The following KCNQ1 variants were observed in gnomAD, a reference collection of about 807,000 sequenced individuals.
KCNQ1 encodes potassium voltage-gated channel subfamily KQT member 1.
A neutral mutation model predicts 72.4 loss-of-function variants in KCNQ1; 49 were observed. The observed-to-expected ratio is 0.68, with a 90% confidence interval of 0.54 to 0.86. The LOEUF (loss-of-function observed/expected upper bound fraction) is 0.86. Among genes scored for constraint, KCNQ1 ranks in the 40% least tolerant of loss-of-function variants. KCNQ1 has a pLI of 0.00. For missense variants in KCNQ1, 790 were observed against 945.1 expected (o/e 0.84, Z 2.15); for synonymous variants, 450 against 412.6 (o/e 1.09, Z -1.10).
In KCNQ1 at chr11:2,498,048, T is replaced by C. The variant is rs1213156994; in HGVS notation, c.387-29880T>C. ...TGCCTACTCCTTCCTCTGGAAGCTTTGTCCCAGAAGGGCACCAGCCTGATG... is the reference window on the plus strand; with the variant it reads ...TGCCTACTCCTTCCTCTGGAAGCTTCGTCCCAGAAGGGCACCAGCCTGATG... On this transcript the variant is annotated intron_variant, in intron 1 of 15. Coordinates refer to ENST00000155840, the MANE Select transcript of KCNQ1 (RefSeq NM_000218.3). This position sits in a 1 kb window ranked among gnomAD's most constrained non-coding sequence, Gnocchi z 4.8. 6.6e-6 allele frequency among the ~76,000 whole-genome samples: 1 copy of C among 152,224 alleles called. No individual in the cohort carries two copies. The highest frequency in any genetic ancestry group is 1.5e-5 in the Non-Finnish European group (1 of 68,030).
At chr11:2,756,951 T>TAAAAAAAAAAAAAAAAAA (rs58284663) in intron 11 of KCNQ1, among the ~76,000 whole-genome samples, 1 of 50,994 alleles carries the variant, frequency 2.0e-5, no homozygotes, top group African/African-American at 6.7e-5. Context: ...AAGAGCATCT[T>TAAAAAAAAAAAAAAAAAA]AAAAAAAAAA....
intron 11 of KCNQ1, among the ~76,000 whole-genome samples, chr11:2,751,769 C>T (rs934925818): frequency 3.3e-4 from 50 of 152,330 alleles, no homozygotes; most frequent in African/African-American, 1.2e-3. Flanking sequence ...GGGACTGGTC[C>T]CCATAGCCAA....
chr11:2,585,449 C>T, intron 8 of KCNQ1, 142 bp downstream of exon 8: 2 of 787,432 alleles, frequency 2.5e-6, no homozygotes, highest in Admixed American at 2.0e-5. Flanking sequence ...CTTGTGGAAG[C>T]CTTGGCTGCT....
rs1385581070 is a variant in KCNQ1, at chr11:2,809,121, C to T, written c.1794+31084C>T. On this transcript the variant is annotated intron_variant, in intron 15 of 15. Transcript: ENST00000155840. The surrounding 1 kb of genome is among the most constrained non-coding windows in gnomAD (Gnocchi z 7.1). ...GTGAGTAGATGAATGAGTGGGCAGA[C>T]AGACAGACACACCATCAGAAGCAAA... 6.6e-6 allele frequency among the ~76,000 whole-genome samples: 1 copy of T among 152,066 alleles called. No homozygotes were observed. The highest frequency in any genetic ancestry group is 1.5e-5 in the Non-Finnish European group (1 of 68,022).
chr11:2,554,157 C>T (rs1848035215), intron 2 of KCNQ1, among the ~76,000 whole-genome samples: 1 of 152,234 alleles, frequency 6.6e-6, no homozygotes, highest in Admixed American at 6.5e-5. Context: ...CCGCTGGCAT[C>T]AGAGAATGAG....
At position 2,445,292 on chromosome 11, in the gene KCNQ1, C is replaced by T. The variant is rs2522019; in HGVS notation, c.194C>T (p.Ala65Val). 2.2e-6 allele frequency: 3 copies of T among 1,362,150 alleles called. No individual in the cohort carries two copies. Among genetic ancestry groups the T allele is most frequent in the Non-Finnish European group, 2.8e-6 (3 of 1,061,988 alleles). 84.4% of individuals were successfully genotyped at this position (1,362,150 alleles called of 1,614,324 possible). ...GGCGCCCCAGGTCCCGCGCCCCCTG[C>T]GTCCCCGGCCGCGCCCGCCGCGCCC... is the stretch of plus-strand genomic sequence containing the variant. The part of the protein sequence containing the change: ...APGAPGPAPP[A>V]SPAAPAAPPV... Residue 65 changes from alanine (A) to valine (V), a missense_variant, in exon 1 of 16, where the codon GCG becomes GTG. By Grantham distance (64) the Ala-to-Val change is moderately conservative (BLOSUM62 0). Coordinates refer to ENST00000155840, the MANE Select transcript of KCNQ1 (RefSeq NM_000218.3).
rs934383448 is a variant in KCNQ1, at chr11:2,725,494, G to A, written c.1515-43350G>A. Among the ~76,000 whole-genome samples, 4 of 152,284 alleles carry A rather than the reference G, an allele frequency of 2.6e-5. No homozygotes were observed. Among genetic ancestry groups the A allele is most frequent in the Middle Eastern group, 3.4e-3 (1 of 294 alleles). ...CGGTTGGGGGTCCCCAATCGTCTTC[G>A]AGCTACTGATATAGAACCTCTGCGT... On this transcript the variant is annotated intron_variant, in intron 11 of 15. Coordinates refer to ENST00000155840, the MANE Select transcript of KCNQ1 (RefSeq NM_000218.3). The surrounding 1 kb of genome is among the most constrained non-coding windows in gnomAD (Gnocchi z 7.2).
At chr11:2,519,535 G>C (rs537006062) in intron 1 of KCNQ1, among the ~76,000 whole-genome samples, 1 of 152,236 alleles carries the variant, frequency 6.6e-6, no homozygotes, top group South Asian at 2.1e-4. Flanking sequence ...TGGGAGGATC[G>C]CTTGAGCCCA....
chr11:2,456,972 AAAAC>A (rs1846204979), intron 1 of KCNQ1, among the ~76,000 whole-genome samples: 1 of 151,254 alleles, frequency 6.6e-6, no homozygotes, highest in African/African-American at 2.4e-5. Context: ...AAAACCCAAA[AAAAC>A]AAAAAGTGGG....
At chr11:2,744,420 C>T (rs138485790) in intron 11 of KCNQ1, among the ~76,000 whole-genome samples, 1 of 152,346 alleles carries the variant, frequency 6.6e-6, no homozygotes, top group East Asian at 1.9e-4. Context: ...TACTGCAGAG[C>T]ATGTGATACC....
Position 2,711,403 on chromosome 11 carries a change from A to G in KCNQ1, c.1514+49322A>G, listed in dbSNP as rs7131655. Among the ~76,000 whole-genome samples, 478 of 152,208 alleles carry G rather than the reference A, an allele frequency of 3.1e-3. 4 individuals are homozygous for G. Among genetic ancestry groups the G allele is most frequent in the African/African-American group, 0.011 (459 of 41,524 alleles). On this transcript the variant is annotated intron_variant, in intron 11 of 15. Coordinates refer to ENST00000155840, the MANE Select transcript of KCNQ1 (RefSeq NM_000218.3). This position sits in a 1 kb window ranked among gnomAD's most constrained non-coding sequence, Gnocchi z 5.4. ...TTGCCCAAGTCTTTGCACATCCTGC[A>G]TCCTGCCTGGAGTGTTCTCTCTCCT...
At position 2,697,060 on chromosome 11, in the gene KCNQ1, A is replaced by C. The variant is rs558797572; in HGVS notation, c.1514+34979A>C. 4 of 398,500 alleles carry C rather than the reference A, an allele frequency of 1.0e-5. No individual in the cohort carries two copies. The South Asian group carries it at 5.1e-4, about 51-fold the overall frequency. 24.7% of individuals were successfully genotyped at this position (398,500 alleles called of 1,614,324 possible). ...GACCCTTTCAGGAAAGGTCAAAAAC[A>C]TTTTCATAATAATACTCGACATTAT... On this transcript the variant is annotated intron_variant, in intron 11 of 15. Transcript: ENST00000155840.
At chr11:2,453,853 T>C (rs1846147852) in intron 1 of KCNQ1, among the ~76,000 whole-genome samples, 1 of 152,226 alleles carries the variant, frequency 6.6e-6, no homozygotes, top group African/African-American at 2.4e-5. Flanking sequence ...AGGAGACTGG[T>C]TGAATCAGAG....
At chr11:2,716,293 C>T (rs973981029) in intron 11 of KCNQ1, among the ~76,000 whole-genome samples, 3 of 152,116 alleles carry the variant, frequency 2.0e-5, no homozygotes, top group Admixed American at 6.5e-5. Flanking sequence ...GCGCCCACAC[C>T]TACCCTCTGC....
In KCNQ1 at chr11:2,782,369, C is replaced by G. The variant is rs1196513702; in HGVS notation, c.1794+4332C>G. On this transcript the variant is annotated intron_variant, in intron 15 of 15. Transcript: ENST00000155840. This position sits in a 1 kb window ranked among gnomAD's most constrained non-coding sequence, Gnocchi z 6.1. Reference sequence around the variant, plus strand: ...TATTTAATATATCAGAATTTTTGTGCCAGTATTTATGTGTGAGATACATAC... The same window carrying G: ...TATTTAATATATCAGAATTTTTGTGGCAGTATTTATGTGTGAGATACATAC... 1.3e-5 allele frequency among the ~76,000 whole-genome samples: 2 copies of G among 152,120 alleles called. No individual in the cohort carries two copies. The highest frequency in any genetic ancestry group is 2.9e-5 in the Non-Finnish European group (2 of 68,032).
intron 11 of KCNQ1, among the ~76,000 whole-genome samples, chr11:2,763,416 TAAGAAAGA>T (rs933547133): frequency 3.9e-5 from 5 of 128,180 alleles, no homozygotes; most frequent in Admixed American, 2.3e-4. Context: ...AAAAAAAAAA[TAAGAAAGA>T]AAGAAAGAAA....
intron 1 of KCNQ1, among the ~76,000 whole-genome samples, chr11:2,472,297 T>C (rs1202495331): frequency 1.3e-5 from 2 of 151,938 alleles, no homozygotes; most frequent in Non-Finnish European, 2.9e-5. Context: ...GTGTGTTTTA[T>C]GTGTGGGTGT....
At chr11:2,776,304 GGTAGGGGAGGCGC>G (rs1412764658) in intron 13 of KCNQ1, among the ~76,000 whole-genome samples, 1 of 152,120 alleles carries the variant, frequency 6.6e-6, no homozygotes, top group East Asian at 1.9e-4. Context: ...GGGGAATTGG[GGTAGGGGAGGCGC>G]GTAGGGGAGG....
Position 2,445,183 on chromosome 11 carries a change from G to A in KCNQ1, c.85G>A (p.Gly29Ser). The change falls in exon 1 of 16, where the codon GGC (glycine) becomes AGC (serine). Residue 29 changes from glycine (G) to serine (S), a missense_variant. Gly to Ser is a moderately conservative substitution (Grantham distance 56). This residue lies in a region of KCNQ1 where 294 missense variants were observed against 323.3 expected (regional missense o/e 0.91). Coordinates refer to ENST00000155840, the MANE Select transcript of KCNQ1 (RefSeq NM_000218.3). ...RLPGARRGSA[G>S]LAKKCPFSLE... ...GCCAGGCGCCCGGCGGGGCAGCGCG[G>A]GCCTGGCCAAGAAGTGCCCCTTCTC... is the stretch of plus-strand genomic sequence containing the variant. The A allele has an allele frequency of 8.7e-7, 1 of 1,146,110 alleles. No individual in the cohort carries two copies. Among genetic ancestry groups the A allele is most frequent in the Non-Finnish European group, 1.1e-6 (1 of 928,618 alleles). 71.0% of individuals were successfully genotyped at this position (1,146,110 alleles called of 1,614,324 possible). A position where few individuals can be genotyped will look rare whatever the true frequency, so the allele number is the denominator to read the frequency against.
Sources: allele counts gnomAD v4.1 joint callset (sites outside exome capture counted in the v4.1 genomes callset), GRCh38; gene constraint gnomAD v4.1.1; regional missense constraint gnomAD v4.1.1; non-coding constraint Gnocchi (gnomAD v3.1); transcripts MANE v1.5; gene names NCBI Gene and HGNC (gene_info 2026-07-23, HGNC 2026-07-21).